RARRES2: variants seen among roughly 807,000 people sequenced by gnomAD.
RARRES2 encodes retinoic acid receptor responder protein 2.
Under a neutral mutation model 17.9 loss-of-function variants are expected in RARRES2, and 12 were observed. The ratio of observed to expected loss-of-function variants is 0.67; its 90% CI spans 0.43 to 1.08. The LOEUF is 1.08. Ranked by LOEUF, RARRES2 falls within the 50% of genes least tolerant of loss-of-function variation. The pLI, the probability that RARRES2 is intolerant of heterozygous loss-of-function variation, is 0.00. For missense variants in RARRES2, 220 were observed against 210.1 expected (o/e 1.05, Z -0.29); for synonymous variants, 82 against 86.8 (o/e 0.94, Z 0.31).
intron 1 of RARRES2, 123 bp from the exon 2 acceptor site, chr7:150,340,752 A>T (rs1277165141): frequency 7.5e-6 from 6 of 802,530 alleles, no homozygotes; most frequent in Non-Finnish European, 1.1e-5. Flanking sequence ...CGCTGGGCAC[A>T]GGTGAAGGAG....
In RARRES2 at chr7:150,340,601, C is replaced by A; in HGVS notation, c.9G>T (p.Arg3=). 1 of 1,524,196 alleles carries A rather than the reference C, an allele frequency of 6.6e-7. No homozygotes were observed. Among genetic ancestry groups the A allele is most frequent in the Non-Finnish European group, 8.8e-7 (1 of 1,132,446 alleles). 94.4% of individuals were successfully genotyped at this position (1,524,196 alleles called of 1,614,324 possible). A position where few individuals can be genotyped will look rare whatever the true frequency, so the allele number is the denominator to read the frequency against. The change falls in exon 2 of 6, where the codon CGG becomes CGT. Residue 3 remains arginine (R), a synonymous_variant. Transcript: ENST00000223271. MR[R]LLIPLALWLG... ...GCCACAGGGCCAGAGGGATCAGCAG[C>A]CGTCGCATGCTTCCGTGTCACCCTG...
Position 150,340,215 on chromosome 7 carries a change from A to G in RARRES2, c.175-11T>C. 2.5e-6 allele frequency: 4 copies of G among 1,613,636 alleles called. No homozygotes were observed. Among genetic ancestry groups the G allele is most frequent in the East Asian group, 2.2e-5 (1 of 44,882 alleles). On this transcript the variant is annotated splice_polypyrimidine_tract_variant and intron_variant, in intron 2 of 5. Transcript: ENST00000223271. ...TCCAGCTGGGAAGGGCTGCGGACAG[A>G]CAGGCAGGCAGAGGATGGCCGGTAG...
At chr7:150,340,697 C>T (rs1798465441) in intron 1 of RARRES2, 68 bp from the exon 2 acceptor site, 1 of 1,347,472 alleles carries the variant, frequency 7.4e-7, no homozygotes, top group African/African-American at 1.6e-5. Context: ...GCGCCCTGCT[C>T]TGGGGGGAGG....
Position 150,340,143 on chromosome 7 carries a change from T to C in RARRES2, c.236A>G (p.Lys79Arg), listed in dbSNP as rs565163012. Residue 79 changes from lysine (K) to arginine (R), a missense_variant, in exon 3 of 6, where the codon AAG becomes AGG. By Grantham distance (26) the Lys-to-Arg change is conservative. Transcript: ENST00000223271. ...GCACTCGGGTTTCTTCCAGTCCCTCTTCCGGCAGCTTGTCTGCTGCAGCTT... is the reference window on the plus strand; with the variant it reads ...GCACTCGGGTTTCTTCCAGTCCCTCCTCCGGCAGCTTGTCTGCTGCAGCTT... ...EFKLQQTSCR[K>R]RDWKKPECKV... The C allele has an allele frequency of 3.7e-6, 6 of 1,614,096 alleles. No homozygotes were observed. Among genetic ancestry groups the C allele is most frequent in the Non-Finnish European group, 5.1e-6 (6 of 1,180,032 alleles).
At position 150,338,639 on chromosome 7, in the gene RARRES2, G is replaced by C; in HGVS notation, c.478C>G (p.Leu160Val). ...CCAGTGCTGGCTTAGCTGCGGGGCA[G>C]GGCCTTGGAGAAGGCGAACTGTCCA... ...FPGQFAFSKA[L>V]PRS is the part of the protein sequence containing the mutation. Residue 160 changes from leucine to valine, a missense_variant, in exon 5 of 6, where the codon CTG becomes GTG. Leu to Val is a conservative substitution (Grantham distance 32). Coordinates refer to ENST00000223271, the MANE Select transcript of RARRES2 (RefSeq NM_002889.4). 1 of 1,554,808 alleles carries C rather than the reference G, an allele frequency of 6.4e-7. No homozygotes were observed. Among genetic ancestry groups the C allele is most frequent in the Non-Finnish European group, 8.7e-7 (1 of 1,148,604 alleles).
intron 2 of RARRES2, 87 bp from the exon 3 acceptor site, chr7:150,340,291 C>T (rs991980512): frequency 2.6e-6 from 4 of 1,553,342 alleles, no homozygotes; most frequent in Non-Finnish European, 3.5e-6. Flanking sequence ...CTCCCTCACG[C>T]AGTCACATTC....
intron 4 of RARRES2, 69 bp downstream of exon 4, chr7:150,338,917 G>T: frequency 6.5e-7 from 1 of 1,545,448 alleles, no homozygotes; most frequent in East Asian, 2.3e-5. Context: ...CTCGAGACCA[G>T]CCCATAGGCT....
rs772315462 is a variant in RARRES2 at position 150,340,218 on chromosome 7, G to A, written c.175-14C>T. 6 of 1,613,014 alleles carry A rather than the reference G, an allele frequency of 3.7e-6. No homozygotes were observed. The highest frequency in any genetic ancestry group is 1.3e-5 in the African/African-American group (1 of 74,932). ...AGCTGGGAAGGGCTGCGGACAGACAGGCAGGCAGAGGATGGCCGGTAGCCA... is the reference window on the plus strand; with the variant it reads ...AGCTGGGAAGGGCTGCGGACAGACAAGCAGGCAGAGGATGGCCGGTAGCCA... On this transcript the variant is annotated splice_polypyrimidine_tract_variant and intron_variant, in intron 2 of 5. Coordinates refer to ENST00000223271, the MANE Select transcript of RARRES2 (RefSeq NM_002889.4).
At chr7:150,339,171 A>G (rs1798417149) in intron 3 of RARRES2, 90 bp from the exon 4 acceptor site, 3 of 1,248,826 alleles carry the variant, frequency 2.4e-6, no homozygotes, top group Non-Finnish European at 1.2e-6. Context: ...GCTGCCCATC[A>G]TGGGACCAGA....
At chr7:150,340,799 T>C in intron 1 of RARRES2, 170 bp from the exon 2 acceptor site, 1 of 594,530 alleles carries the variant, frequency 1.7e-6, no homozygotes, top group Non-Finnish European at 2.8e-6. Context: ...GACCTTAGGG[T>C]CCGCCTGGCC....
rs762728272 is a variant in RARRES2, at chr7:150,338,747, A to C, written c.376-6T>G. ...TCCTGGTGCTCCTCAGCCTCCTGCC[A>C]GTGCCCAAAACTGTTCAGGCAGTGT... On this transcript the variant is annotated splice_polypyrimidine_tract_variant and splice_region_variant and intron_variant, in intron 4 of 5. Coordinates refer to ENST00000223271, the MANE Select transcript of RARRES2 (RefSeq NM_002889.4). The C allele has an allele frequency of 6.4e-7, 1 of 1,558,220 alleles. No individual in the cohort carries two copies. Among genetic ancestry groups the C allele is most frequent in the African/African-American group, 1.4e-5 (1 of 73,204 alleles).
Position 150,338,985 on chromosome 7 carries a change from C to T in RARRES2, c.375+1G>A, listed in dbSNP as rs1798409167. On this transcript the variant is annotated splice_donor_variant, in intron 4 of 5. Transcript: ENST00000223271. LOFTEE classifies it high-confidence loss of function. Reference sequence around the variant, plus strand: ...ACCTGTGCACCCTTGCCCCTTCTTACCCGCAGAACTTGGGTCTCTATGGGG... The same window carrying T: ...ACCTGTGCACCCTTGCCCCTTCTTATCCGCAGAACTTGGGTCTCTATGGGG... 18 of 1,600,022 alleles carry T rather than the reference C, an allele frequency of 1.1e-5. No homozygotes were observed. The highest frequency in any genetic ancestry group is 1.5e-5 in the Non-Finnish European group (17 of 1,167,196).
intron 2 of RARRES2, 97 bp downstream of exon 2, chr7:150,340,339 G>A: frequency 6.5e-7 from 1 of 1,544,778 alleles, no homozygotes; most frequent in Non-Finnish European, 8.8e-7. Flanking sequence ...CAAAGGGCTG[G>A]GGCTCAGAGC....
intron 2 of RARRES2, 34 bp downstream of exon 2, chr7:150,340,401 AC>A (rs754473675): frequency 6.4e-7 from 1 of 1,565,878 alleles, no homozygotes; most frequent in Admixed American, 1.8e-5. Flanking sequence ...CTGGGGTACG[AC>A]CCTCCCCGCT....
chr7:150,340,267 G>A, intron 2 of RARRES2, 63 bp from the exon 3 acceptor site: 1 of 1,579,466 alleles, frequency 6.3e-7, no homozygotes, highest in Non-Finnish European at 8.7e-7. Flanking sequence ...AGCAAGCCCT[G>A]GTGTGATCCG....
At chr7:150,339,102 T>TG in intron 3 of RARRES2, 21 bp from the exon 4 acceptor site, 1 of 1,564,796 alleles carries the variant, frequency 6.4e-7, no homozygotes. Flanking sequence ...GCGGGGAGCA[T>TG]GGGGTGAGCA....
chr7:150,339,175 G>T, intron 3 of RARRES2, 94 bp from the exon 4 acceptor site: 3 of 1,225,710 alleles, frequency 2.4e-6, no homozygotes, highest in South Asian at 1.3e-5. Flanking sequence ...CCCATCATGG[G>T]ACCAGATCCC....
rs1383699379 is a variant in RARRES2 at position 150,340,155 on chromosome 7, G to A, written c.224C>T (p.Thr75Ile). 3 of 1,614,056 alleles carry A rather than the reference G, an allele frequency of 1.9e-6. No homozygotes were observed. Among genetic ancestry groups the A allele is most frequent in the Non-Finnish European group, 2.5e-6 (3 of 1,180,028 alleles). ...FVRLEFKLQQ[T>I]SCRKRDWKKP... ...CTTCCAGTCCCTCTTCCGGCAGCTT[G>A]TCTGCTGCAGCTTAAATTCCAGCCT... Residue 75 changes from threonine to isoleucine, a missense_variant, in exon 3 of 6, where the codon ACA (threonine) becomes ATA (isoleucine). Thr to Ile is a moderately conservative substitution (Grantham distance 89). Coordinates refer to ENST00000223271, the MANE Select transcript of RARRES2 (RefSeq NM_002889.4).
chr7:150,341,459 C>T (rs2129618633), intron 1 of RARRES2, 119 bp downstream of exon 1: 1 of 152,372 alleles, frequency 6.6e-6, no homozygotes, highest in Admixed American at 6.5e-5. Context: ...GATGTGGAAA[C>T]CGAGGCCCCT....
Sources: gnomAD v4.1 joint callset for allele counts on GRCh38, gnomAD v4.1.1 for gene constraint, MANE v1.5 for transcripts, NCBI Gene and HGNC (gene_info 2026-07-23, HGNC 2026-07-21) for gene names.